Variants in GRIP1 observed in about 807,000 individuals in gnomAD.
The protein encoded by GRIP1 is glutamate receptor-interacting protein 1.
GRIP1 carries 45 observed loss-of-function variants against 129.9 expected under a neutral mutation model. The ratio of observed to expected loss-of-function variants is 0.35; its 90% confidence interval spans 0.27 to 0.44. GRIP1 has a LOEUF of 0.44. Ranked by LOEUF, GRIP1 falls within the 20% of genes least tolerant of loss-of-function variation. The pLI is 1.00. For synonymous variants in GRIP1, 530 were observed against 520.8 expected, an observed-to-expected ratio of 1.02 and a Z score of -0.24; for missense variants, 1,196 against 1,396.8, an observed-to-expected ratio of 0.86 and a Z score of 2.29.
intron 1 of GRIP1, among the ~76,000 whole-genome samples, chr12:66,672,389 C>T (rs982456430): frequency 6.6e-6 from 1 of 152,160 alleles, no homozygotes; most frequent in Non-Finnish European, 1.5e-5. Flanking sequence ...TCCAAGACCA[C>T]TGCTTTTATT....
chr12:66,725,653 T>C (rs1165235321), intron 1 of GRIP1, among the ~76,000 whole-genome samples: 1 of 152,138 alleles, frequency 6.6e-6, no homozygotes, highest in East Asian at 1.9e-4. Context: ...CGATCATCTG[T>C]TCCAGCGTTT....
chr12:66,993,475 AAAAG>A (rs1359438614), intron 1 of GRIP1, among the ~76,000 whole-genome samples: 3 of 152,112 alleles, frequency 2.0e-5, no homozygotes, highest in Admixed American at 6.6e-5. Context: ...CAAGAAAAAA[AAAAG>A]ACTCAAATTG....
In GRIP1 at chr12:66,511,278, G is replaced by A. The variant is rs140105427; in HGVS notation, c.724+4341C>T. Among the ~76,000 whole-genome samples, 10 of 152,284 alleles carry A rather than the reference G, an allele frequency of 6.6e-5. No homozygotes were observed. In the East Asian group the frequency reaches 1.9e-3, roughly 29 times the overall value. On this transcript the variant is annotated intron_variant, in intron 7 of 24. Transcript: ENST00000359742. ...AGCCTCCCCAGCCATGTGGAACTGT[G>A]AGTCCGTTAAACCTCTTTCTTTTGT...
intron 1 of GRIP1, among the ~76,000 whole-genome samples, chr12:66,962,583 G>A (rs1057151546): frequency 2.6e-5 from 4 of 152,096 alleles, no homozygotes; most frequent in African/African-American, 4.8e-5. Flanking sequence ...GCATTAAGGC[G>A]TCAATTAAAG....
chr12:66,780,227 A>C (rs2038112431), intron 1 of GRIP1, among the ~76,000 whole-genome samples: 1 of 152,196 alleles, frequency 6.6e-6, no homozygotes, highest in Admixed American at 6.5e-5. Flanking sequence ...AAGAGCAGGA[A>C]TCAGTGTTTG....
intron 1 of GRIP1, among the ~76,000 whole-genome samples, chr12:66,717,060 G>GA (rs1469560928): frequency 3.9e-5 from 6 of 152,164 alleles, no homozygotes; most frequent in Non-Finnish European, 7.4e-5. Flanking sequence ...CCCTAGGCAG[G>GA]AGTGATCTTT....
intron 7 of GRIP1, among the ~76,000 whole-genome samples, chr12:66,474,926 A>T (rs1023479074): frequency 4.6e-5 from 7 of 152,192 alleles, no homozygotes; most frequent in South Asian, 2.1e-4. Flanking sequence ...TCAACTAACA[A>T]GCAAAATGAC....
chr12:66,611,705 A>AATTTT (rs2064800502), intron 1 of GRIP1, among the ~76,000 whole-genome samples: 2 of 152,216 alleles, frequency 1.3e-5, no homozygotes, highest in Non-Finnish European at 2.9e-5. Context: ...TATAAATACA[A>AATTTT]AGAAGGCATA....
chr12:66,363,199 C>CTATATATATATATATATA lies in GRIP1; in HGVS notation c.3012+8494_3012+8495insTATATATATATATATATA, dbSNP rs1565666323. 3.1e-3 allele frequency among the ~76,000 whole-genome samples: 111 copies of CTATATATATATATATATA among 35,310 alleles called. 3 individuals carry two copies. The highest frequency in any genetic ancestry group is 7.5e-3 in the African/African-American group (99 of 13,170). 23.2% of individuals were successfully genotyped at this position (35,310 alleles called of 152,430 possible). On this transcript the variant is annotated intron_variant, in intron 23 of 24. Transcript: ENST00000359742. ...TATATGTATATATGTGTGTGTGTGT[C>CTATATATATATATATATA]CATATATATATATATATATATATAT...
intron 1 of GRIP1, among the ~76,000 whole-genome samples, chr12:66,652,302 A>G (rs934806204): frequency 1.3e-5 from 2 of 151,980 alleles, no homozygotes; most frequent in Non-Finnish European, 2.9e-5. Context: ...AGTTCTCATG[A>G]GATCTGATGG....
In GRIP1 at chr12:66,608,849, G is replaced by A. The variant is rs543748164; in HGVS notation, c.56-11922C>T. On this transcript the variant is annotated intron_variant, in intron 1 of 24. Coordinates refer to ENST00000359742, the MANE Select transcript of GRIP1 (RefSeq NM_001366722.1). ...CAGAGTGGTCTGAGTTCAAGAAGTG[G>A]TGGCTCTATTCCTTTATCTGGAATA... is the stretch of plus-strand genomic sequence containing the variant. Among the ~76,000 whole-genome samples the A allele has an allele frequency of 1.3e-3, 191 of 152,084 alleles. 2 individuals carry two copies. In the South Asian group the frequency reaches 0.038, roughly 31 times the overall value.
At chr12:66,994,905 A>C (rs930888642) in intron 1 of GRIP1, among the ~76,000 whole-genome samples, 5 of 152,086 alleles carry the variant, frequency 3.3e-5, no homozygotes, top group African/African-American at 4.8e-5. Flanking sequence ...AAAACAAAGA[A>C]AAAAGTTGAA....
At chr12:66,912,912 C>A (rs944253409) in intron 1 of GRIP1, among the ~76,000 whole-genome samples, 3 of 152,026 alleles carry the variant, frequency 2.0e-5, no homozygotes, top group African/African-American at 7.2e-5. Context: ...ATGGAAGTTA[C>A]CTCAAGTTTA....
At chr12:66,667,889 G>A (rs2033881951) in intron 1 of GRIP1, among the ~76,000 whole-genome samples, 2 of 152,140 alleles carry the variant, frequency 1.3e-5, no homozygotes, top group African/African-American at 4.8e-5. Context: ...AACCACACAA[G>A]TTTGAAGCCT....
intron 2 of GRIP1, among the ~76,000 whole-genome samples, chr12:66,590,321 A>G (rs1024038897): frequency 2.0e-5 from 3 of 152,208 alleles, no homozygotes; most frequent in East Asian, 1.9e-4. Context: ...ATTTCAGCCA[A>G]TGTTTACTAA....
chr12:66,784,761 G>A (rs921521451), intron 1 of GRIP1, among the ~76,000 whole-genome samples: 3 of 152,090 alleles, frequency 2.0e-5, no homozygotes, highest in Non-Finnish European at 2.9e-5. Flanking sequence ...CATGGGTTAC[G>A]CATGTTAGCA....
chr12:67,000,201 A>C (rs1403628980), intron 1 of GRIP1, among the ~76,000 whole-genome samples: 15 of 152,180 alleles, frequency 9.9e-5, no homozygotes, highest in Non-Finnish European at 1.0e-4. Context: ...TTTTATAAAT[A>C]AATTAGGTAA....
At chr12:66,897,593 G>A (rs12824765) in intron 1 of GRIP1, among the ~76,000 whole-genome samples, 14,254 of 152,148 alleles carry the variant, frequency 0.094, 899 homozygotes, top group Non-Finnish European at 0.14. Flanking sequence ...TGATGGTGGC[G>A]GATGAGCTAA....
At chr12:66,714,552 G>T (rs1193617557) in intron 1 of GRIP1, among the ~76,000 whole-genome samples, 1 of 151,890 alleles carries the variant, frequency 6.6e-6, no homozygotes, top group African/African-American at 2.4e-5. Context: ...GCCTCTTTAA[G>T]GAGACCAGCA....
Sources: allele counts gnomAD v4.1 joint callset (sites outside exome capture counted in the v4.1 genomes callset), GRCh38; gene constraint gnomAD v4.1.1; transcripts MANE v1.5; gene names NCBI Gene and HGNC (gene_info 2026-07-23, HGNC 2026-07-21).